The following SGSH variants were observed in gnomAD, a reference collection of about 807,000 sequenced individuals.
SGSH encodes the protein heparan sulfate sulfatase.
A neutral mutation model predicts 51.0 loss-of-function variants in SGSH; 48 were observed. That is an observed-to-expected ratio of 0.94 (90% CI 0.75 to 1.20). The LOEUF is 1.20. Among genes scored for constraint, SGSH ranks in the 50% most tolerant of loss-of-function variants. The pLI is 0.00. For missense variants in SGSH, 662 were observed against 717.8 expected, an observed-to-expected ratio of 0.92 and a Z score of 0.89; for synonymous variants, 321 against 313.4, an observed-to-expected ratio of 1.02 and a Z score of -0.26.
downstream of SGSH, chr17:80,208,188 C>A (rs370106410): frequency 1.3e-6 from 2 of 1,551,414 alleles, no homozygotes; most frequent in Non-Finnish European, 1.7e-6. Context: ...CTGGAGGCTG[C>A]GAGGCAGGAG....
At chr17:80,204,976 G>A (rs1469847964), downstream of SGSH, 4 of 1,433,894 alleles carry the variant, frequency 2.8e-6, no homozygotes, top group Non-Finnish European at 3.7e-6. Flanking sequence ...CCCGGGGCAG[G>A]GTAGGCTGGC....
rs2144832681 is a variant in SGSH at position 80,220,275 on chromosome 17, T to C, written c.39A>G (p.Leu13=). 6.6e-7 allele frequency: 1 copy of C among 1,520,766 alleles called. No individual in the cohort carries two copies. The highest frequency in any genetic ancestry group is 8.8e-7 in the Non-Finnish European group (1 of 1,141,054). 94.2% of individuals were successfully genotyped at this position (1,520,766 alleles called of 1,614,324 possible). ...GACGCGCCCGGCAGAGCCCCAGGAC[T>C]AGCAGCAGCGCGCAGCAGGCGGGCA... The part of the protein sequence containing the change: ...CPVPACCALL[L]VLGLCRARPR... The change falls in exon 1 of 8, where the codon CTA becomes CTG. Residue 13 remains leucine, a synonymous_variant. Coordinates refer to ENST00000326317, the MANE Select transcript of SGSH (RefSeq NM_000199.5).
chr17:80,217,355 G>A, intron 1 of SGSH, 163 bp from the exon 2 acceptor site: 1 of 784,552 alleles, frequency 1.3e-6, no homozygotes, highest in Non-Finnish European at 2.1e-6. Flanking sequence ...TCGTGACAGA[G>A]CACTCCATTA....
In SGSH at chr17:80,212,348, A is replaced by G; in HGVS notation, c.746-74T>C. 2.3e-6 allele frequency: 3 copies of G among 1,309,900 alleles called. No homozygotes were observed. The highest frequency in any genetic ancestry group is 3.2e-6 in the Non-Finnish European group (3 of 928,966). 81.1% of individuals were successfully genotyped at this position (1,309,900 alleles called of 1,614,324 possible). A position where few individuals can be genotyped will look rare whatever the true frequency, so the allele number is the denominator to read the frequency against. Reference sequence around the variant, plus strand: ...GGCAGCGGGTGGTGTGTGTAGACCCACCTGCTGCTGCATCCGGCCGCTGGG... The same window carrying G: ...GGCAGCGGGTGGTGTGTGTAGACCCGCCTGCTGCTGCATCCGGCCGCTGGG... On this transcript the variant is annotated intron_variant, in intron 6 of 7. Transcript: ENST00000326317. The surrounding 1 kb of genome is among the most constrained non-coding windows in gnomAD (Gnocchi z 5.9).
In SGSH at chr17:80,209,322, T is replaced by C; in HGVS notation, c.*1130A>G. ...TGTATATTTTACTAAAATAAAAAGC[T>C]TTTACAATAGCTGGCCTGTGGCCTC... On this transcript the variant is annotated 3_prime_UTR_variant, in exon 8 of 8. Transcript: ENST00000326317. 1.0e-6 allele frequency: 1 copy of C among 985,340 alleles called. No homozygotes were observed. Among genetic ancestry groups the C allele is most frequent in the Non-Finnish European group, 1.2e-6 (1 of 829,872 alleles). 61.0% of individuals were successfully genotyped at this position (985,340 alleles called of 1,614,324 possible).
chr17:80,209,414 G>A lies in SGSH; in HGVS notation c.*1038C>T. 1.0e-6 allele frequency: 1 copy of A among 985,554 alleles called. No homozygotes were observed. The highest frequency in any genetic ancestry group is 1.2e-6 in the Non-Finnish European group (1 of 830,020). 61.1% of individuals were successfully genotyped at this position (985,554 alleles called of 1,614,324 possible). ...AAGGGGAGCCCACCTACTCAAGGAA[G>A]CGCCCTCTCCTTCGAGGGGTGTCCA... On this transcript the variant is annotated 3_prime_UTR_variant, in exon 8 of 8. Coordinates refer to ENST00000326317, the MANE Select transcript of SGSH (RefSeq NM_000199.5).
intron 7 of SGSH, chr17:80,211,273 T>C (rs2144704551): frequency 1.0e-6 from 1 of 1,001,796 alleles, no homozygotes; most frequent in Non-Finnish European, 1.4e-6. Flanking sequence ...GTCTCCTTTT[T>C]GGTAGCTCGT....
rs1171316652 is a variant in SGSH, at chr17:80,220,262, A to G, written c.52T>C (p.Cys18Arg). The G allele has an allele frequency of 6.6e-7, 1 of 1,523,596 alleles. No homozygotes were observed. Among genetic ancestry groups the G allele is most frequent in the Non-Finnish European group, 8.8e-7 (1 of 1,142,204 alleles). The allele number at this position is 1,523,596 out of a possible 1,614,324, so 94.4% of individuals were successfully genotyped here. ...AGTGCGTTCCGGGGACGCGCCCGGC[A>G]GAGCCCCAGGACTAGCAGCAGCGCG... ...CCALLLVLGL[C>R]RARPRNALLL... The change falls in exon 1 of 8, where the codon TGC becomes CGC. Residue 18 changes from cysteine (C) to arginine (R), a missense_variant. Physicochemically the swap from Cys to Arg is radical, Grantham distance 180 (BLOSUM62 -3). Transcript: ENST00000326317.
Position 80,210,720 on chromosome 17 carries a change from C to T in SGSH, c.1241G>A (p.Arg414His), listed in dbSNP as rs200320139. The T allele has an allele frequency of 1.8e-5, 29 of 1,613,844 alleles. No homozygotes were observed. The highest frequency in any genetic ancestry group is 8.3e-5 in the Admixed American group (5 of 59,990). The change falls in exon 8 of 8, where the codon CGC becomes CAC. Residue 414 changes from arginine to histidine, a missense_variant. Coordinates refer to ENST00000326317, the MANE Select transcript of SGSH (RefSeq NM_000199.5). ...VSPTFQDLLNRTTAGQPTGWY... is the reference protein window; with the variant it reads ...VSPTFQDLLNHTTAGQPTGWY... The stretch of plus-strand genomic sequence containing the variant: ...GCCCGTGGGCTGACCAGCTGTGGTG[C>T]GGTTCAGGAGGTCCTGGAAGGTGGG...
downstream of SGSH, chr17:80,205,198 C>G (rs1567903816): frequency 6.2e-7 from 1 of 1,611,710 alleles, no homozygotes; most frequent in Non-Finnish European, 8.5e-7. Context: ...TTAAGAAGTG[C>G]CTGGCAGGTA....
intron 1 of SGSH, among the ~76,000 whole-genome samples, chr17:80,218,855 G>A (rs1248433120): frequency 1.3e-5 from 2 of 152,104 alleles, no homozygotes; most frequent in South Asian, 2.1e-4. Context: ...ACAGGACTGT[G>A]GACTTAAAGG....
rs768987400 is a variant in SGSH at position 80,209,905 on chromosome 17, G to A, written c.*547C>T. On this transcript the variant is annotated 3_prime_UTR_variant, in exon 8 of 8. Coordinates refer to ENST00000326317, the MANE Select transcript of SGSH (RefSeq NM_000199.5). ...AGAAGCAGAAACCTGCCCAAAGGTC[G>A]CTCAAAGGCTTCCTCTAGGCCAGAC... is the stretch of plus-strand genomic sequence containing the variant. 5.0e-6 allele frequency: 5 copies of A among 992,140 alleles called. No homozygotes were observed. The highest frequency in any genetic ancestry group is 1.7e-5 in the African/African-American group (1 of 57,296). 61.5% of individuals were successfully genotyped at this position (992,140 alleles called of 1,614,324 possible). A position where few individuals can be genotyped will look rare whatever the true frequency, so the allele number is the denominator to read the frequency against.
chr17:80,214,269 T>C lies in SGSH; in HGVS notation c.566A>G (p.Gln189Arg). Reference protein sequence around the residue: ...DPHRCGHSQPQYGTFCEKFGN... With the variant: ...DPHRCGHSQPRYGTFCEKFGN... ...AAACTTCTCACAGAAGGTTCCGTAC[T>C]GGGGCTGGGAGTGCCCACAGCGGTG... Residue 189 changes from glutamine to arginine, a missense_variant, in exon 5 of 8, where the codon CAG becomes CGG. Transcript: ENST00000326317. 1 of 1,613,254 alleles carries C rather than the reference T, an allele frequency of 6.2e-7. No individual in the cohort carries two copies. The highest frequency in any genetic ancestry group is 8.5e-7 in the Non-Finnish European group (1 of 1,180,002).
At chr17:80,204,720 C>A, downstream of SGSH, 1 of 413,500 alleles carries the variant, frequency 2.4e-6, no homozygotes, top group East Asian at 3.9e-5. Flanking sequence ...GTGCCACTCT[C>A]CCAGATCCTT....
chr17:80,201,984 G>C, downstream of SGSH: 3 of 1,401,560 alleles, frequency 2.1e-6, no homozygotes, highest in Non-Finnish European at 2.9e-6. This position sits in a 1 kb window ranked among gnomAD's most constrained non-coding sequence, Gnocchi z 5.0. Context: ...AGCCAAGAGA[G>C]GATCAGCCAG....
At position 80,212,277 on chromosome 17, in the gene SGSH, G is replaced by C. The variant is rs1184169321; in HGVS notation, c.746-3C>G. 6.2e-7 allele frequency: 1 copy of C among 1,602,428 alleles called. No homozygotes were observed. Among genetic ancestry groups the C allele is most frequent in the Non-Finnish European group, 8.5e-7 (1 of 1,174,916 alleles). On this transcript the variant is annotated splice_region_variant and splice_polypyrimidine_tract_variant and intron_variant, in intron 6 of 7. Coordinates refer to ENST00000326317, the MANE Select transcript of SGSH (RefSeq NM_000199.5). This position sits in a 1 kb window ranked among gnomAD's most constrained non-coding sequence, Gnocchi z 5.9. ...CTCCTGGAGCACCAGTCCAACTCCT[G>C]TGGTGAGGGGCCGAGAAGCAGAGCT... is the stretch of plus-strand genomic sequence containing the variant.
Position 80,217,089 on chromosome 17 carries a change from G to A in SGSH, c.192C>T (p.Phe64=), listed in dbSNP as rs2041920000. The change falls in exon 2 of 8, where the codon TTC becomes TTT. Residue 64 remains phenylalanine, a synonymous_variant. Coordinates refer to ENST00000326317, the MANE Select transcript of SGSH (RefSeq NM_000199.5). Reference sequence around the variant, plus strand: ...TGGGAGAGCAGCTGCTGACCGAGGTGAAGGCATTGCGAAAGAGGAGGCTGC... The same window carrying A: ...TGGGAGAGCAGCTGCTGACCGAGGTAAAGGCATTGCGAAAGAGGAGGCTGC... ...ARRSLLFRNA[F]TSVSSCSPSR... 6.2e-7 allele frequency: 1 copy of A among 1,602,860 alleles called. No individual in the cohort carries two copies. The highest frequency in any genetic ancestry group is 1.7e-5 in the Admixed American group (1 of 58,048).
Position 80,212,442 on chromosome 17 carries a change from T to G in SGSH, c.746-168A>C. 1.5e-6 allele frequency: 1 copy of G among 686,826 alleles called. No homozygotes were observed. Among genetic ancestry groups the G allele is most frequent in the Non-Finnish European group, 2.6e-6 (1 of 382,714 alleles). 42.5% of individuals were successfully genotyped at this position (686,826 alleles called of 1,614,324 possible). On this transcript the variant is annotated intron_variant, in intron 6 of 7. Transcript: ENST00000326317. This position sits in a 1 kb window ranked among gnomAD's most constrained non-coding sequence, Gnocchi z 5.9. The stretch of plus-strand genomic sequence containing the variant: ...AATGGCCCTGGCTCTTGCCCAGCTC[T>G]TGCCCAGCTCCGCCCAGCTCCCATT...
Position 80,215,041 on chromosome 17 carries a change from A to ACCT in SGSH, c.346_347insAGG (p.Gly115_Val116insGlu). On this transcript the variant is annotated inframe_insertion, in exon 3 of 8. Transcript: ENST00000326317. ...CGGCACGGGGTCCTCACCTGTGCGC[A>ACCT]CACCAGCTTGGCTGAGCAGCAGCGG... The ACCT allele has an allele frequency of 6.2e-7, 1 of 1,610,684 alleles. No individual in the cohort carries two copies. Among genetic ancestry groups the ACCT allele is most frequent in the Non-Finnish European group, 8.5e-7 (1 of 1,179,768 alleles).
Sources: gnomAD v4.1 joint callset for allele counts (sites outside exome capture counted in the v4.1 genomes callset) on GRCh38, gnomAD v4.1.1 for gene constraint, Gnocchi (gnomAD v3.1) non-coding constraint, MANE v1.5 for transcripts, NCBI Gene and HGNC (gene_info 2026-07-23, HGNC 2026-07-21) for gene names.